The following RABGAP1 variants were observed in gnomAD, a reference collection of about 807,000 sequenced individuals.
RABGAP1 encodes the protein RAB GTPase activating protein 1.
In RABGAP1, 23 loss-of-function variants were observed where a neutral mutation model predicts 137.6. The ratio of observed to expected loss-of-function variants is 0.17; its 90% CI spans 0.12 to 0.24. RABGAP1 has a LOEUF of 0.24. Among genes scored for constraint, RABGAP1 ranks in the 10% least tolerant of loss-of-function variants. The pLI, the probability that RABGAP1 is intolerant of heterozygous loss-of-function variation, is 1.00. For synonymous variants in RABGAP1, 451 were observed against 450.7 expected (o/e 1.00, Z -0.01); for missense variants, 906 against 1,275.8 (o/e 0.71, Z 4.42).
chr9:123,043,642 G>A lies in RABGAP1; in HGVS notation c.1795-21706G>A, dbSNP rs1027152722. Among the ~76,000 whole-genome samples, 5 of 151,824 alleles carry A rather than the reference G, an allele frequency of 3.3e-5. No individual in the cohort carries two copies. The South Asian group carries it at 1.0e-3, about 31-fold the overall frequency. On this transcript the variant is annotated intron_variant, in intron 13 of 25. Coordinates refer to ENST00000373647, the MANE Select transcript of RABGAP1 (RefSeq NM_012197.4). The stretch of plus-strand genomic sequence containing the variant: ...GGGAAGGGAAGTGTTTGGGGGGTGA[G>A]GGGAAGGAGGGTGGGTGTAACAGAG...
intron 2 of RABGAP1, among the ~76,000 whole-genome samples, chr9:122,971,071 G>A (rs1335304277): frequency 6.6e-6 from 1 of 152,172 alleles, no homozygotes; most frequent in African/African-American, 2.4e-5. Flanking sequence ...TAAGGCCTTG[G>A]GTTTAGAGAG....
intron 13 of RABGAP1, among the ~76,000 whole-genome samples, chr9:123,053,139 T>C (rs1276437454): frequency 6.6e-6 from 1 of 152,236 alleles, no homozygotes; most frequent in Admixed American, 6.5e-5. Flanking sequence ...GAAAACATAA[T>C]GTTACTGGGT....
upstream of RABGAP1, among the ~76,000 whole-genome samples, chr9:122,940,631 G>T (rs1833490941): frequency 6.6e-6 from 1 of 152,208 alleles, no homozygotes; most frequent in Non-Finnish European, 1.5e-5. Context: ...AACAGGACTT[G>T]CACATGAAAG....
intron 1 of RABGAP1, among the ~76,000 whole-genome samples, chr9:122,944,120 G>A (rs1208694968): frequency 6.6e-6 from 1 of 152,014 alleles, no homozygotes; most frequent in Non-Finnish European, 1.5e-5. Context: ...TAAAAACACT[G>A]GTTTGCTAAG....
chr9:123,020,069 A>G (rs1183103305), intron 12 of RABGAP1, among the ~76,000 whole-genome samples: 2 of 151,226 alleles, frequency 1.3e-5, no homozygotes, highest in African/African-American at 4.9e-5. Context: ...AAAGTAGAGA[A>G]ATAATTTAAA....
rs541150488 is a variant in RABGAP1, at chr9:122,999,714, A to T, written c.1374+948A>T. 2.2e-4 allele frequency among the ~76,000 whole-genome samples: 32 copies of T among 144,210 alleles called. 2 individuals carry two copies. In the South Asian group the frequency reaches 3.5e-3, roughly 16 times the overall value. 94.6% of individuals were successfully genotyped at this position (144,210 alleles called of 152,430 possible). On this transcript the variant is annotated intron_variant, in intron 10 of 25. Coordinates refer to ENST00000373647, the MANE Select transcript of RABGAP1 (RefSeq NM_012197.4). The stretch of plus-strand genomic sequence containing the variant: ...TTATGCTTTTACTTTTAATTTTTAA[A>T]TTTTTTTTTTTTTAACCAGATTTGG...
Position 123,065,702 on chromosome 9 carries a change from TC to T in RABGAP1, c.1908+244del, listed in dbSNP as rs34215040. 9 of 439,018 alleles carry T rather than the reference TC, an allele frequency of 2.1e-5. No homozygotes were observed. In the East Asian group the frequency reaches 4.4e-4, roughly 21 times the overall value. The allele number at this position is 439,018 out of a possible 1,614,324, so 27.2% of individuals were successfully genotyped here. On this transcript the variant is annotated intron_variant, in intron 14 of 25. Transcript: ENST00000373647. ...CTAATCAGGATTTTTAGATGACAGT[TC>T]CCTGGCTCCACATTTAGACTTTCAA...
intron 13 of RABGAP1, among the ~76,000 whole-genome samples, chr9:123,051,633 A>G (rs1253652325): frequency 1.3e-5 from 2 of 152,150 alleles, no homozygotes; most frequent in Non-Finnish European, 2.9e-5. Flanking sequence ...TTTCATAAAC[A>G]CTGAGCAGCC....
intron 1 of RABGAP1, among the ~76,000 whole-genome samples, chr9:122,942,669 C>CAAAAAA (rs10660327): frequency 0.49 from 43,546 of 89,194 alleles, 14,375 homozygotes; most frequent in Non-Finnish European, 0.66. Context: ...GACTCCGTCT[C>CAAAAAA]AAAAAAAAAA....
At chr9:123,092,249 C>A (rs537521394) in intron 21 of RABGAP1, among the ~76,000 whole-genome samples, 10 of 152,254 alleles carry the variant, frequency 6.6e-5, no homozygotes, top group African/African-American at 2.4e-4. Flanking sequence ...ACAGTATAAA[C>A]CCTTTTTCAA....
At chr9:122,936,940 G>C (rs946096186), upstream of RABGAP1, among the ~76,000 whole-genome samples, 3 of 152,132 alleles carry the variant, frequency 2.0e-5, no homozygotes, top group Non-Finnish European at 2.9e-5. Flanking sequence ...CCAGCACAGA[G>C]ACAATTACAA....
intron 4 of RABGAP1, among the ~76,000 whole-genome samples, chr9:122,988,176 A>G (rs1836465348): frequency 6.6e-6 from 1 of 152,232 alleles, no homozygotes; most frequent in Non-Finnish European, 1.5e-5. Context: ...TTTTAATTCT[A>G]TAAAAGAAGT....
In RABGAP1 at chr9:122,997,369, A is replaced by G; in HGVS notation, c.1204+8A>G. On this transcript the variant is annotated splice_region_variant and intron_variant, in intron 9 of 25. Coordinates refer to ENST00000373647, the MANE Select transcript of RABGAP1 (RefSeq NM_012197.4). ...ATGAAGAAACTCCTAAAGGTGATACAGATTGTTGACATCATGAACAGAAAT... is the reference window on the plus strand; with the variant it reads ...ATGAAGAAACTCCTAAAGGTGATACGGATTGTTGACATCATGAACAGAAAT... The G allele has an allele frequency of 1.3e-6, 2 of 1,573,030 alleles. No homozygotes were observed. The highest frequency in any genetic ancestry group is 2.2e-5 in the East Asian group (1 of 44,474).
At chr9:122,939,222 T>C (rs1292760949), upstream of RABGAP1, 1 of 151,756 alleles carries the variant, frequency 6.6e-6, no homozygotes, top group African/African-American at 2.4e-5. Context: ...TAGATATTTT[T>C]AATTGAAAAA....
chr9:122,934,027 C>G, the RABGAP1 span, among the ~76,000 whole-genome samples: 1 of 151,986 alleles, frequency 6.6e-6, no homozygotes, highest in African/African-American at 2.4e-5. Flanking sequence ...TCCCAAAGTA[C>G]TGCGGTTGTA....
intron 2 of RABGAP1, among the ~76,000 whole-genome samples, chr9:122,981,620 T>G (rs140805074): frequency 1.6e-4 from 25 of 152,342 alleles, no homozygotes; most frequent in African/African-American, 5.3e-4. Flanking sequence ...CCCAACAGTC[T>G]GTCTTAGCAA....
intron 13 of RABGAP1, among the ~76,000 whole-genome samples, chr9:123,021,330 C>CTTTTT (rs397944903): frequency 8.9e-6 from 1 of 111,968 alleles, no homozygotes; most frequent in Non-Finnish European, 1.8e-5. Context: ...GAAGAGCAGG[C>CTTTTT]TTTTTTTTTT....
chr9:123,021,521 A>C (rs2031639551), intron 13 of RABGAP1, among the ~76,000 whole-genome samples: 2 of 152,056 alleles, frequency 1.3e-5, no homozygotes, highest in Non-Finnish European at 2.9e-5. Context: ...GGGTTTCTCC[A>C]TTTTGGCCAG....
intron 2 of RABGAP1, among the ~76,000 whole-genome samples, chr9:122,974,752 T>C (rs1015679394): frequency 3.9e-5 from 6 of 152,218 alleles, no homozygotes; most frequent in African/African-American, 1.2e-4. Flanking sequence ...TGCTGTTCTT[T>C]CCCGTCCTCT....
Sources: gnomAD v4.1 joint callset for allele counts (sites outside exome capture counted in the v4.1 genomes callset) on GRCh38, gnomAD v4.1.1 for gene constraint, MANE v1.5 for transcripts, NCBI Gene and HGNC (gene_info 2026-07-23, HGNC 2026-07-21) for gene names.